The following RPGRIP1L variants were observed in gnomAD, a reference collection of about 807,000 sequenced individuals.
RPGRIP1L encodes protein fantom.
Under a neutral mutation model 160.4 loss-of-function variants are expected in RPGRIP1L, and 131 were observed. That is an observed-to-expected ratio of 0.82 (90% CI 0.71 to 0.94). The LOEUF (loss-of-function observed/expected upper bound fraction) is 0.94, where lower values mean the gene tolerates loss of function less well. RPGRIP1L is among the 40% of genes least tolerant of loss of function. The pLI is 0.00. For missense variants in RPGRIP1L, 1,522 were observed against 1,535.8 expected, an observed-to-expected ratio of 0.99 and a Z score of 0.15; for synonymous variants, 510 against 515.8, an observed-to-expected ratio of 0.99 and a Z score of 0.15.
At chr16:53,674,096 A>G (rs1567866256) in intron 7 of RPGRIP1L, among the ~76,000 whole-genome samples, 1 of 152,122 alleles carries the variant, frequency 6.6e-6, no homozygotes, top group African/African-American at 2.4e-5. Flanking sequence ...CTCTCTCATC[A>G]GTCTCCTTTT....
chr16:53,620,195 A>G (rs1300370614), intron 23 of RPGRIP1L, among the ~76,000 whole-genome samples: 2 of 152,188 alleles, frequency 1.3e-5, no homozygotes, highest in African/African-American at 2.4e-5. Context: ...AATTCACCAT[A>G]GTGGTTACTT....
At chr16:53,624,680 C>G (rs1343406713) in intron 22 of RPGRIP1L, among the ~76,000 whole-genome samples, 1 of 152,064 alleles carries the variant, frequency 6.6e-6, no homozygotes, top group Non-Finnish European at 1.5e-5. Context: ...ATTGTTGAAT[C>G]TAGGTGGTAG....
At chr16:53,665,087 T>C in intron 9 of RPGRIP1L, 78 bp from the exon 10 acceptor site, 1 of 1,552,042 alleles carries the variant, frequency 6.4e-7, no homozygotes, top group Non-Finnish European at 8.8e-7. Context: ...AAGCTTTTAG[T>C]GGCGCAGAGA....
chr16:53,622,731 G>A (rs899408646), intron 22 of RPGRIP1L, among the ~76,000 whole-genome samples: 3 of 151,354 alleles, frequency 2.0e-5, no homozygotes, highest in Non-Finnish European at 2.9e-5. Flanking sequence ...CAAGAGCCCA[G>A]GAGTTGGAGA....
At chr16:53,658,673 A>G (rs564930381) in intron 11 of RPGRIP1L, 99 bp downstream of exon 11, 1 of 885,616 alleles carries the variant, frequency 1.1e-6, no homozygotes, top group East Asian at 2.6e-5. Flanking sequence ...TAATTAATAT[A>G]TCTGTATGCT....
chr16:53,602,722 C>T (rs1286661511), intron 26 of RPGRIP1L, among the ~76,000 whole-genome samples: 1 of 150,320 alleles, frequency 6.7e-6, no homozygotes, highest in African/African-American at 2.5e-5. Flanking sequence ...TGCGGTGAGC[C>T]GAGATCATGC....
chr16:53,603,653 T>C (rs1236401120), intron 26 of RPGRIP1L, among the ~76,000 whole-genome samples: 1 of 150,220 alleles, frequency 6.7e-6, no homozygotes, highest in East Asian at 2.0e-4. Flanking sequence ...TATAATTCCT[T>C]ATGGTTTTCC....
At chr16:53,639,068 T>A (rs892552529) in intron 19 of RPGRIP1L, among the ~76,000 whole-genome samples, 1 of 151,956 alleles carries the variant, frequency 6.6e-6, no homozygotes, top group Non-Finnish European at 1.5e-5. Flanking sequence ...CTAGCATAGG[T>A]ATGTATTCCT....
chr16:53,689,012 T>C (rs1209665779), intron 4 of RPGRIP1L, among the ~76,000 whole-genome samples: 5 of 151,130 alleles, frequency 3.3e-5, no homozygotes, highest in Non-Finnish European at 7.4e-5. Flanking sequence ...AAATAAAAAA[T>C]AATCAAAACA....
At chr16:53,647,669 C>T (rs1966649175) in intron 16 of RPGRIP1L, among the ~76,000 whole-genome samples, 1 of 152,164 alleles carries the variant, frequency 6.6e-6, no homozygotes, top group African/African-American at 2.4e-5. Context: ...GGGAGCCCAG[C>T]TCCATGGATT....
At chr16:53,663,020 CA>C (rs1178607113) in intron 10 of RPGRIP1L, among the ~76,000 whole-genome samples, 9 of 151,452 alleles carry the variant, frequency 5.9e-5, no homozygotes, top group Non-Finnish European at 1.0e-4. Flanking sequence ...TACAATATAG[CA>C]AAAAAAGCAC....
chr16:53,626,797 C>T (rs1212410224), intron 22 of RPGRIP1L, among the ~76,000 whole-genome samples: 2 of 144,738 alleles, frequency 1.4e-5, no homozygotes, highest in African/African-American at 2.6e-5. Flanking sequence ...AGAGTGAGAC[C>T]CTGTCTCTCA....
At chr16:53,695,240 T>TG in intron 3 of RPGRIP1L, 1 of 667,466 alleles carries the variant, frequency 1.5e-6, no homozygotes, top group Non-Finnish European at 2.7e-6. Context: ...TGTGGGATAA[T>TG]GGTCAGAAAA....
intron 2 of RPGRIP1L, among the ~76,000 whole-genome samples, chr16:53,699,817 CAA>C (rs71146704): frequency 1.3e-4 from 12 of 94,598 alleles, no homozygotes; most frequent in East Asian, 3.0e-4. Flanking sequence ...GACTTCGTCT[CAA>C]AAAAAAAAAA....
chr16:53,696,259 G>A lies in RPGRIP1L; in HGVS notation c.122C>T (p.Ala41Val), dbSNP rs1365531088. Residue 41 changes from alanine (A) to valine (V), a missense_variant, in exon 3 of 27, where the codon GCA becomes GTA. Transcript: ENST00000647211. ...TTCCTCACGACTGACACGTGACACT[G>A]CCTGGCGAGACTTCATTGTCCGTGT... ...STTRTMKSRQ[A>V]VSRVSREELE... The A allele has an allele frequency of 1.9e-6, 3 of 1,613,874 alleles. No homozygotes were observed. The highest frequency in any genetic ancestry group is 3.3e-5 in the Admixed American group (2 of 59,996).
chr16:53,623,886 A>C (rs543181983), intron 22 of RPGRIP1L, among the ~76,000 whole-genome samples: 14 of 152,248 alleles, frequency 9.2e-5, no homozygotes, highest in African/African-American at 3.1e-4. Context: ...TCTTTTATAT[A>C]TTCAGAATAT....
intron 10 of RPGRIP1L, among the ~76,000 whole-genome samples, chr16:53,660,696 C>A (rs969502041): frequency 1.3e-5 from 2 of 151,234 alleles, no homozygotes; most frequent in Non-Finnish European, 2.9e-5. Context: ...GAGTTCGAGA[C>A]CAGCCTGACC....
chr16:53,625,064 T>C (rs2150985575), intron 22 of RPGRIP1L, among the ~76,000 whole-genome samples: 1 of 152,200 alleles, frequency 6.6e-6, no homozygotes, highest in Admixed American at 6.5e-5. Context: ...GCTCACTCAG[T>C]GCTCAATGTT....
chr16:53,631,359 G>C (rs983714181), intron 22 of RPGRIP1L, among the ~76,000 whole-genome samples: 4 of 152,178 alleles, frequency 2.6e-5, no homozygotes, highest in African/African-American at 9.7e-5. Flanking sequence ...TAGGAACAGA[G>C]AAAGAGAATG....
Sources: allele counts gnomAD v4.1 joint callset (sites outside exome capture counted in the v4.1 genomes callset), GRCh38; gene constraint gnomAD v4.1.1; transcripts MANE v1.5; gene names NCBI Gene and HGNC (gene_info 2026-07-23, HGNC 2026-07-21).